The following ANXA10 variants were observed in gnomAD, a reference collection of about 807,000 sequenced individuals.
The protein encoded by ANXA10 is annexin 14.
A neutral mutation model predicts 53.5 loss-of-function variants in ANXA10; 49 were observed. That is an observed-to-expected ratio of 0.92 (90% confidence interval 0.73 to 1.16). ANXA10 has a LOEUF of 1.16. Ranked by LOEUF, ANXA10 falls within the 50% of genes most tolerant of loss-of-function variation. ANXA10 has a pLI of 0.00. For missense variants in ANXA10, 393 were observed against 394.4 expected (o/e 1.00, Z 0.03); for synonymous variants, 131 against 128.9 (o/e 1.02, Z -0.11).
chr4:168,161,241 G>A (rs1285863325), intron 3 of ANXA10, among the ~76,000 whole-genome samples: 1 of 152,078 alleles, frequency 6.6e-6, no homozygotes, highest in African/African-American at 2.4e-5. Flanking sequence ...TTTGTATATG[G>A]CATAAGGAAG....
chr4:168,100,703 G>T (rs1730625452), intron 1 of ANXA10, among the ~76,000 whole-genome samples: 2 of 151,984 alleles, frequency 1.3e-5, no homozygotes, highest in African/African-American at 4.8e-5. Context: ...GGCAATTTCT[G>T]ATTTAAAAGT....
chr4:168,176,459 C>T (rs1732129468), intron 6 of ANXA10, among the ~76,000 whole-genome samples: 1 of 152,140 alleles, frequency 6.6e-6, no homozygotes, highest in Non-Finnish European at 1.5e-5. Flanking sequence ...TCAATGTGGT[C>T]TATCCTGTAG....
chr4:168,124,972 A>C (rs938206819), intron 1 of ANXA10, among the ~76,000 whole-genome samples: 3 of 152,186 alleles, frequency 2.0e-5, no homozygotes, highest in African/African-American at 7.2e-5. Flanking sequence ...AATTACATGA[A>C]AACTATTGTG....
At chr4:168,184,428 C>A (rs1317732572) in intron 10 of ANXA10, 131 bp from the exon 11 acceptor site, 7 of 1,024,830 alleles carry the variant, frequency 6.8e-6, no homozygotes, top group Non-Finnish European at 1.0e-5. Context: ...GCCTGTGTGG[C>A]CAGTGATGCC....
At chr4:168,172,511 A>G (rs540467367) in intron 6 of ANXA10, among the ~76,000 whole-genome samples, 1 of 152,332 alleles carries the variant, frequency 6.6e-6, no homozygotes, top group East Asian at 1.9e-4. Context: ...TCTGCTATCT[A>G]AAGTTATTTC....
chr4:168,165,152 T>G (rs1357714324), intron 5 of ANXA10, 95 bp from the exon 6 acceptor site: 1 of 700,578 alleles, frequency 1.4e-6, no homozygotes, highest in Non-Finnish European at 2.3e-6. Context: ...TCCTGGACTT[T>G]GTACTCACAA....
At chr4:168,128,020 G>A (rs757145085) in intron 1 of ANXA10, 64 bp from the exon 2 acceptor site, 34 of 1,453,218 alleles carry the variant, frequency 2.3e-5, no homozygotes, top group East Asian at 1.8e-4. Flanking sequence ...CACTGTGCCC[G>A]GCCACAATGT....
intron 1 of ANXA10, among the ~76,000 whole-genome samples, chr4:168,108,936 C>G (rs1223882977): frequency 6.6e-6 from 1 of 152,146 alleles, no homozygotes; most frequent in Non-Finnish European, 1.5e-5. Context: ...CCCTTTATAA[C>G]CTCATCTAGG....
At chr4:168,172,786 ATT>A (rs34280639) in intron 6 of ANXA10, among the ~76,000 whole-genome samples, 1,974 of 133,640 alleles carry the variant, frequency 0.015, 29 homozygotes, top group African/African-American at 0.047. Flanking sequence ...GTATGTTGCC[ATT>A]TTTTTTTTTT....
chr4:168,105,885 A>G (rs1275453060), intron 1 of ANXA10, among the ~76,000 whole-genome samples: 2 of 151,962 alleles, frequency 1.3e-5, no homozygotes, highest in African/African-American at 2.4e-5. Flanking sequence ...GCTTTTTTTC[A>G]TATGCTTCTT....
chr4:168,175,319 A>G (rs959231108), intron 6 of ANXA10, among the ~76,000 whole-genome samples: 3 of 152,248 alleles, frequency 2.0e-5, no homozygotes, highest in African/African-American at 7.2e-5. Flanking sequence ...CACAGAAGAT[A>G]TAGCATATTA....
chr4:168,181,437 A>C (rs1732243753), intron 9 of ANXA10, among the ~76,000 whole-genome samples: 1 of 151,554 alleles, frequency 6.6e-6, no homozygotes, highest in African/African-American at 2.4e-5. Context: ...TCATTAGGCT[A>C]CATGAAGGAA....
At chr4:168,147,830 A>G (rs570222597) in intron 3 of ANXA10, among the ~76,000 whole-genome samples, 1 of 152,310 alleles carries the variant, frequency 6.6e-6, no homozygotes, top group East Asian at 1.9e-4. Context: ...CACAATGGGA[A>G]TAGGAAGATC....
intron 1 of ANXA10, among the ~76,000 whole-genome samples, chr4:168,119,125 G>A (rs551100675): frequency 9.9e-5 from 15 of 152,012 alleles, no homozygotes; most frequent in African/African-American, 3.1e-4. Flanking sequence ...CATAAGTCTT[G>A]TTCTCTTCTT....
chr4:168,178,480 T>C (rs1732176625), intron 8 of ANXA10, among the ~76,000 whole-genome samples: 1 of 152,150 alleles, frequency 6.6e-6, no homozygotes, highest in Non-Finnish European at 1.5e-5. Flanking sequence ...AAATTTTGTT[T>C]TTTTCTATAT....
intron 3 of ANXA10, among the ~76,000 whole-genome samples, chr4:168,153,304 G>A (rs1731528731): frequency 6.6e-6 from 1 of 151,722 alleles, no homozygotes; most frequent in Admixed American, 6.6e-5. Flanking sequence ...ATACAGTCAT[G>A]GGTTCTTAGT....
At chr4:168,148,874 A>G (rs976931695) in intron 3 of ANXA10, among the ~76,000 whole-genome samples, 3 of 151,948 alleles carry the variant, frequency 2.0e-5, no homozygotes, top group Non-Finnish European at 4.4e-5. Flanking sequence ...TTATTTCCTC[A>G]TTGTTAGATA....
At chr4:168,140,379 A>G (rs1177863358) in intron 3 of ANXA10, among the ~76,000 whole-genome samples, 1 of 152,200 alleles carries the variant, frequency 6.6e-6, no homozygotes, top group Admixed American at 6.5e-5. Context: ...GAAATAAAAG[A>G]TATCCCTCAG....
At chr4:168,127,946 A>G in intron 1 of ANXA10, 138 bp from the exon 2 acceptor site, 1 of 684,200 alleles carries the variant, frequency 1.5e-6, no homozygotes, top group Non-Finnish European at 2.5e-6. Context: ...TTGGTCTTCA[A>G]CTCCTGACTT....
Sources: allele counts gnomAD v4.1 joint callset (sites outside exome capture counted in the v4.1 genomes callset), GRCh38; gene constraint gnomAD v4.1.1; transcripts MANE v1.5; gene names NCBI Gene and HGNC (gene_info 2026-07-23, HGNC 2026-07-21).